Variants in PCF11 observed in about 807,000 individuals in gnomAD.
PCF11 encodes pre-mRNA cleavage complex 2 protein Pcf11.
PCF11 carries 19 observed loss-of-function variants against 166.1 expected under a neutral mutation model. That is an observed-to-expected ratio of 0.11 (90% confidence interval 0.08 to 0.17). The LOEUF is 0.17. Ranked by LOEUF, PCF11 falls within the 10% of genes least tolerant of loss-of-function variation. The pLI is 1.00. For synonymous variants in PCF11, 663 were observed against 644.1 expected, an observed-to-expected ratio of 1.03 and a Z score of -0.44; for missense variants, 1,565 against 1,855.5, an observed-to-expected ratio of 0.84 and a Z score of 2.88.
intron 11 of PCF11, among the ~76,000 whole-genome samples, 192 bp downstream of exon 11, chr11:83,178,011 C>T (rs910989547): frequency 3.4e-5 from 5 of 148,640 alleles, no homozygotes; most frequent in East Asian, 3.9e-4. Context: ...ATTTTTAAAT[C>T]GTCTTTTAAA....
chr11:83,182,759 C>T (rs969869802), intron 14 of PCF11, among the ~76,000 whole-genome samples: 2 of 152,204 alleles, frequency 1.3e-5, no homozygotes, highest in Non-Finnish European at 2.9e-5. Context: ...GTTTTTCTGT[C>T]GACCCACACT....
At chr11:83,172,010 A>G (rs1860707368) in intron 9 of PCF11, 96 bp downstream of exon 9, 1 of 694,516 alleles carries the variant, frequency 1.4e-6, no homozygotes, top group African/African-American at 1.8e-5. Flanking sequence ...CAGTTTTGCA[A>G]AGGTATATTT....
chr11:83,185,770 T>C (rs1861268470), exon 16 of PCF11: 1 of 152,622 alleles, frequency 6.6e-6, no homozygotes, highest in Non-Finnish European at 1.5e-5. Flanking sequence ...TATTCATACA[T>C]GTAATAAATA....
chr11:83,166,554 C>T lies in PCF11; in HGVS notation c.1657C>T (p.Arg553Trp), dbSNP rs375413920. The change falls in exon 5 of 16, where the codon CGG (arginine) becomes TGG (tryptophan). Residue 553 changes from arginine to tryptophan, a missense_variant. Arg to Trp is a moderately radical substitution (Grantham distance 101). This residue lies in a region of PCF11 where 468 missense variants were observed against 483.4 expected (regional missense o/e 0.97). Coordinates refer to ENST00000298281, the Ensembl canonical transcript of PCF11. ...TAAGAGAAGTACTAAACAGGATATT[C>T]GGGATCCAAGGCGAATGAAAAAGAC... is the stretch of plus-strand genomic sequence containing the variant. The T allele has an allele frequency of 2.1e-5, 34 of 1,613,712 alleles. No individual in the cohort carries two copies. The highest frequency in any genetic ancestry group is 2.0e-4 in the Admixed American group (12 of 59,982).
At chr11:83,174,299 T>C (rs1388878004) in intron 9 of PCF11, among the ~76,000 whole-genome samples, 1 of 152,208 alleles carries the variant, frequency 6.6e-6, no homozygotes, top group Non-Finnish European at 1.5e-5. Context: ...TTCAGACATA[T>C]ATTAGTCATC....
In PCF11 at chr11:83,180,784, A is replaced by C. The variant is rs1861059531; in HGVS notation, c.3984-224A>C. On this transcript the variant is annotated intron_variant, in intron 11 of 15. Transcript: ENST00000298281. The stretch of plus-strand genomic sequence containing the variant: ...GGAAATAAATAACTGGGTCAGGGCT[A>C]TCAATAAGAAGACAGGCTCCATCTT... The C allele has an allele frequency of 1.2e-5, 4 of 340,916 alleles. No individual in the cohort carries two copies. In the South Asian group the frequency reaches 3.1e-4, roughly 27 times the overall value. 21.1% of individuals were successfully genotyped at this position (340,916 alleles called of 1,614,324 possible).
At chr11:83,180,985 A>T in intron 11 of PCF11, 23 bp from the exon 12 acceptor site, 1 of 1,395,322 alleles carries the variant, frequency 7.2e-7, no homozygotes, top group Non-Finnish European at 9.9e-7. Flanking sequence ...TCAACACTAA[A>T]GATTATTTCT....
At chr11:83,164,535 G>C (rs2135420792) in intron 4 of PCF11, 134 bp downstream of exon 4, 1 of 674,170 alleles carries the variant, frequency 1.5e-6, no homozygotes, top group Non-Finnish European at 2.5e-6. Context: ...TTTTACAAAT[G>C]AGTATATTTA....
chr11:83,169,413 A>T (rs775778090), exon 8 of PCF11: 1 of 1,613,770 alleles, frequency 6.2e-7, no homozygotes, highest in Non-Finnish European at 8.5e-7. Flanking sequence ...CTCTGGGTCA[A>T]GGTGGTCCAA....
chr11:83,184,648 A>T, intron 15 of PCF11, 31 bp from the exon 16 acceptor site: 1 of 1,465,552 alleles, frequency 6.8e-7, no homozygotes, highest in Non-Finnish European at 9.5e-7. Context: ...TTGAACTTTC[A>T]TCAGTACTCA....
Position 83,181,846 on chromosome 11 carries a change from C to A in PCF11, c.4168-8C>A. ...GGAATAATCTTTTAAAAATCAACTC[C>A]TTTTAAGGACTGGATAGAATTTGAG... On this transcript the variant is annotated splice_polypyrimidine_tract_variant and splice_region_variant and intron_variant, in intron 12 of 15. Coordinates refer to ENST00000298281, the Ensembl canonical transcript of PCF11. 1 of 1,578,654 alleles carries A rather than the reference C, an allele frequency of 6.3e-7. No homozygotes were observed. Among genetic ancestry groups the A allele is most frequent in the Non-Finnish European group, 8.6e-7 (1 of 1,166,806 alleles).
intron 2 of PCF11, among the ~76,000 whole-genome samples, chr11:83,162,810 T>C (rs779806911): frequency 6.6e-6 from 1 of 152,224 alleles, no homozygotes; most frequent in Non-Finnish European, 1.5e-5. Context: ...GTTTTGCTCT[T>C]GTTGCCCAAG....
At chr11:83,185,938 A>AGAT (rs1440396491) in exon 16 of PCF11, 5 of 152,594 alleles carry the variant, frequency 3.3e-5, no homozygotes, top group African/African-American at 1.2e-4. Flanking sequence ...CATTTATTGG[A>AGAT]GATAGGCATA....
exon 14 of PCF11, chr11:83,182,434 C>T (rs1381598615): frequency 5.7e-6 from 9 of 1,579,360 alleles, no homozygotes; most frequent in Non-Finnish European, 7.8e-6. Flanking sequence ...TTGAACAATA[C>T]TGGGATGAAG....
intron 10 of PCF11, 65 bp downstream of exon 10, chr11:83,177,269 A>G: frequency 8.4e-7 from 1 of 1,195,762 alleles, no homozygotes; most frequent in Non-Finnish European, 1.1e-6. Flanking sequence ...GTATGATGTA[A>G]TATAATGATA....
At chr11:83,157,808 G>C (rs545306367) in intron 1 of PCF11, 177 bp downstream of exon 1, 6 of 620,532 alleles carry the variant, frequency 9.7e-6, no homozygotes, top group Middle Eastern at 5.4e-4. Flanking sequence ...GGCCTCTGGG[G>C]GGGAGGGAGT....
exon 5 of PCF11, chr11:83,166,039 C>A (rs1454532004): frequency 6.2e-7 from 1 of 1,602,066 alleles, no homozygotes; most frequent in Admixed American, 1.8e-5. Context: ...TTATCTCACA[C>A]AAAAGACTTG....
rs1860355071 is a variant in PCF11, at chr11:83,163,987, A to G, written c.507+120A>G. On this transcript the variant is annotated intron_variant, in intron 3 of 15. Coordinates refer to ENST00000298281, the Ensembl canonical transcript of PCF11. ...CTCGGTAGTGAATTGGTTCAATTTGAAAAAAAAAAAAATAGTGTGTATATG... is the reference window on the plus strand; with the variant it reads ...CTCGGTAGTGAATTGGTTCAATTTGGAAAAAAAAAAAATAGTGTGTATATG... 19 of 232,412 alleles carry G rather than the reference A, an allele frequency of 8.2e-5. No homozygotes were observed. In the South Asian group the frequency reaches 1.8e-3, roughly 22 times the overall value. 14.4% of individuals were successfully genotyped at this position (232,412 alleles called of 1,614,324 possible). A position where few individuals can be genotyped will look rare whatever the true frequency, so the allele number is the denominator to read the frequency against.
chr11:83,187,164 T>TCTC (rs1231992539), exon 16 of PCF11: 1 of 152,556 alleles, frequency 6.6e-6, no homozygotes, highest in Admixed American at 6.5e-5. Flanking sequence ...TTCAAGTGAT[T>TCTC]CTCCTGTCTC....
Sources: gnomAD v4.1 joint callset for allele counts (sites outside exome capture counted in the v4.1 genomes callset) on GRCh38, gnomAD v4.1.1 for gene constraint, gnomAD v4.1.1 regional missense constraint, MANE v1.5 for transcripts, NCBI Gene and HGNC (gene_info 2026-07-23, HGNC 2026-07-21) for gene names.